Variants in DMD observed in about 807,000 individuals in gnomAD.
DMD encodes dystrophin, also known as mutant dystrophin.
DMD carries 63 observed loss-of-function variants against 330.1 expected under a neutral mutation model. The ratio of observed to expected loss-of-function variants is 0.19; its 90% CI spans 0.16 to 0.24. The LOEUF (loss-of-function observed/expected upper bound fraction) is 0.24. DMD is among the 10% of genes least tolerant of loss of function. The probability of loss-of-function intolerance (pLI) is 1.00; values close to 1 mark genes in which losing one functional copy is unlikely to be tolerated. For synonymous variants in DMD, 1,223 were observed against 959.8 expected, an observed-to-expected ratio of 1.27 and a Z score of -5.07; for missense variants, 3,344 against 2,684.1, an observed-to-expected ratio of 1.25 and a Z score of -5.43.
chrX:31,284,593 CTTCTTCTTCTTCTTT>C (rs1398910457), intron 62 of DMD, among the ~76,000 whole-genome samples: 3 of 90,147 alleles, frequency 3.3e-5, no homozygotes, highest in South Asian at 4.8e-4. Context: ...TCTTCTTCTT[CTTCTTCTTCTTCTTT>C]TTTTTGGCAG....
At chrX:33,240,737 C>T (rs996952407) in intron 1 of DMD, among the ~76,000 whole-genome samples, 1 of 111,676 alleles carries the variant, frequency 9.0e-6, no homozygotes, top group African/African-American at 3.3e-5. Context: ...TTATCTTTTG[C>T]CTTCTTGATG....
intron 47 of DMD, among the ~76,000 whole-genome samples, chrX:31,915,224 G>A: frequency 1.1e-5 from 1 of 87,207 alleles, no homozygotes; most frequent in African/African-American, 6.0e-5. Context: ...TCTTGGGAAG[G>A]CACTGTGTGT....
intron 2 of DMD, among the ~76,000 whole-genome samples, chrX:32,858,004 A>G (rs1004287259): frequency 2.7e-5 from 3 of 110,351 alleles, no homozygotes; most frequent in African/African-American, 9.9e-5. Context: ...AGAGAGAGAA[A>G]GCAGTGAGGT....
intron 11 of DMD, among the ~76,000 whole-genome samples, chrX:32,616,429 C>A (rs189687129): frequency 9.0e-6 from 1 of 110,988 alleles, no homozygotes; most frequent in African/African-American, 3.3e-5. Context: ...AGCATGGACT[C>A]ATGTATAGTT....
At chrX:33,055,484 G>A (rs765061642) in intron 1 of DMD, among the ~76,000 whole-genome samples, 1 of 112,072 alleles carries the variant, frequency 8.9e-6, no homozygotes, top group East Asian at 2.8e-4. Context: ...ACACTGTATT[G>A]CAAGTTAAAA....
intron 47 of DMD, among the ~76,000 whole-genome samples, chrX:31,893,671 G>A (rs1015519714): frequency 1.6e-4 from 18 of 110,448 alleles, no homozygotes; most frequent in African/African-American, 5.9e-4. Context: ...GATAGGCAGG[G>A]TAATCAAGGG....
chrX:33,309,470 CATAAAT>C (rs1361824239), intron 1 of DMD, among the ~76,000 whole-genome samples: 2 of 110,519 alleles, frequency 1.8e-5, no homozygotes, highest in Non-Finnish European at 3.8e-5. Flanking sequence ...TGTATTTAAA[CATAAAT>C]ATAAATAAAT....
chrX:32,566,431 T>TA (rs974276225), intron 15 of DMD, among the ~76,000 whole-genome samples: 1 of 112,456 alleles, frequency 8.9e-6, no homozygotes, highest in Non-Finnish European at 1.9e-5. Flanking sequence ...TATTTGGAGA[T>TA]AAAATCTCAT....
At chrX:32,319,101 AT>A (rs2097597324) in intron 41 of DMD, among the ~76,000 whole-genome samples, 1 of 111,823 alleles carries the variant, frequency 8.9e-6, no homozygotes, top group Non-Finnish European at 1.9e-5. Context: ...AAAGGACAAC[AT>A]TTGCATTTTT....
At chrX:31,508,246 T>A in intron 55 of DMD, 1 of 1,207,631 alleles carries the variant, frequency 8.3e-7, no homozygotes, top group Non-Finnish European at 1.1e-6. Flanking sequence ...ATTTTCAGCT[T>A]GAACCGGGCA....
At position 32,936,844 on chromosome X, in the gene DMD, G is replaced by T. The variant is rs1384564140; in HGVS notation, c.93+83295C>A. 5.4e-5 allele frequency among the ~76,000 whole-genome samples: 6 copies of T among 111,914 alleles called. No homozygotes were observed. The East Asian group carries it at 1.7e-3, about 31-fold the overall frequency. On this transcript the variant is annotated intron_variant, in intron 2 of 78. Coordinates refer to ENST00000357033, the MANE Select transcript of DMD (RefSeq NM_004006.3). ...ACTGTATATAAGGGAATCATTACAG[G>T]TGCTTGCGTCTGAGACACTTCTGGC...
chrX:32,187,973 T>G (rs1022222464), intron 44 of DMD, among the ~76,000 whole-genome samples: 1 of 111,166 alleles, frequency 9.0e-6, no homozygotes, highest in African/African-American at 3.3e-5. Context: ...TAATAAACAT[T>G]ATAATAATAT....
intron 1 of DMD, among the ~76,000 whole-genome samples, chrX:33,039,662 G>A (rs907255718): frequency 9.1e-6 from 1 of 110,476 alleles, no homozygotes; most frequent in African/African-American, 3.3e-5. Flanking sequence ...TATCTACTAC[G>A]GCCTTTCTCT....
At chrX:33,277,746 A>G (rs945512727) in intron 1 of DMD, among the ~76,000 whole-genome samples, 14 of 111,349 alleles carry the variant, frequency 1.3e-4, no homozygotes, top group African/African-American at 4.2e-4. Flanking sequence ...CTGAGCCCTC[A>G]AGGTGGAGGA....
chrX:33,275,716 T>C (rs2148917033), intron 1 of DMD, among the ~76,000 whole-genome samples: 1 of 111,543 alleles, frequency 9.0e-6, no homozygotes, highest in East Asian at 2.8e-4. Context: ...ATGAAAGACA[T>C]CCTAATGATT....
At chrX:32,028,621 C>T (rs1403498885) in intron 44 of DMD, among the ~76,000 whole-genome samples, 3 of 111,183 alleles carry the variant, frequency 2.7e-5, no homozygotes, top group East Asian at 2.9e-4. Flanking sequence ...ACAGAATGCT[C>T]GAGTATAATC....
intron 10 of DMD, 70 bp downstream of exon 10, chrX:32,644,894 G>A: frequency 8.9e-7 from 1 of 1,121,521 alleles, no homozygotes. Flanking sequence ...GAGAGTAATT[G>A]AGGAAAAAGG....
At position 31,177,948 on chromosome X, in the gene DMD, A is replaced by C; in HGVS notation, c.10246T>G (p.Trp3416Gly). 1 of 1,208,925 alleles carries C rather than the reference A, an allele frequency of 8.3e-7. No homozygotes were observed. The highest frequency in any genetic ancestry group is 3.0e-5 in the East Asian group (1 of 33,806). Residue 3416 changes from tryptophan to glycine, a missense_variant, in exon 71 of 79, where the codon TGG becomes GGG. Coordinates refer to ENST00000357033, the MANE Select transcript of DMD (RefSeq NM_004006.3). ...METPVTLINF[W>G]PVDSAPASSP... ...AGTACTCACGCAGAATCTACTGGCC[A>C]GAAGTTGATCAGAGTAACGGGACTG...
At chrX:32,662,019 G>T (rs1348370505) in intron 9 of DMD, among the ~76,000 whole-genome samples, 1 of 111,288 alleles carries the variant, frequency 9.0e-6, no homozygotes, top group East Asian at 2.8e-4. Flanking sequence ...GAAAGAAACA[G>T]AATAAACAGA....
Sources: allele counts gnomAD v4.1 joint callset (sites outside exome capture counted in the v4.1 genomes callset), GRCh38; gene constraint gnomAD v4.1.1; transcripts MANE v1.5; gene names NCBI Gene and HGNC (gene_info 2026-07-23, HGNC 2026-07-21).